The following DSG1 variants were observed in gnomAD, a reference collection of about 807,000 sequenced individuals.
DSG1 encodes desmoglein 1.
In DSG1, 39 loss-of-function variants were observed where a neutral mutation model predicts 97.5. That is an observed-to-expected ratio of 0.40 (90% confidence interval 0.31 to 0.52). The LOEUF is 0.52. DSG1 is among the 20% of genes least tolerant of loss of function. The pLI, the probability that DSG1 is intolerant of heterozygous loss-of-function variation, is 0.53. For synonymous variants in DSG1, 475 were observed against 443.4 expected (o/e 1.07, Z -0.90); for missense variants, 1,311 against 1,295.4 (o/e 1.01, Z -0.18).
intron 6 of DSG1, 94 bp from the exon 7 acceptor site, chr18:31,333,495 T>C (rs1397306112): frequency 2.7e-6 from 4 of 1,506,120 alleles, no homozygotes; most frequent in Non-Finnish European, 3.7e-6. Flanking sequence ...TAGATTTATG[T>C]AAACGTTGAG....
chr18:31,359,218 T>C lies in DSG1; in HGVS notation c.*3872T>C, dbSNP rs1043013931. Among the ~76,000 whole-genome samples, 1 of 152,198 alleles carries C rather than the reference T, an allele frequency of 6.6e-6. No homozygotes were observed. The highest frequency in any genetic ancestry group is 1.5e-5 in the Non-Finnish European group (1 of 68,020). On this transcript the variant is annotated 3_prime_UTR_variant, in exon 15 of 15. Coordinates refer to ENST00000257192, the MANE Select transcript of DSG1 (RefSeq NM_001942.4). Reference sequence around the variant, plus strand: ...TTGATTTGTAATTTCCAAAGAGTTATGCATACAGCAATAAAATTATTAATA... The same window carrying C: ...TTGATTTGTAATTTCCAAAGAGTTACGCATACAGCAATAAAATTATTAATA...
At chr18:31,326,365 A>T (rs1474164030) in intron 1 of DSG1, among the ~76,000 whole-genome samples, 1 of 152,120 alleles carries the variant, frequency 6.6e-6, no homozygotes, top group African/African-American at 2.4e-5. Context: ...AATAATAGTA[A>T]TAAAAAGAAG....
At chr18:31,327,745 C>T (rs2071695165) in intron 3 of DSG1, among the ~76,000 whole-genome samples, 1 of 152,154 alleles carries the variant, frequency 6.6e-6, no homozygotes, top group African/African-American at 2.4e-5. Context: ...AATCTACTTT[C>T]TTCGAAAACT....
intron 11 of DSG1, among the ~76,000 whole-genome samples, chr18:31,340,553 CAA>C (rs202063226): frequency 7.5e-5 from 7 of 93,160 alleles, no homozygotes; most frequent in Non-Finnish European, 7.0e-5. Flanking sequence ...GGTTCAGTCT[CAA>C]AAAAAAAAAA....
intron 8 of DSG1, among the ~76,000 whole-genome samples, chr18:31,336,078 T>C (rs1351747270): frequency 2.6e-5 from 4 of 152,056 alleles, no homozygotes; most frequent in Non-Finnish European, 5.9e-5. Context: ...TGTATTATTC[T>C]AAGTTTTTAA....
At chr18:31,326,134 A>T (rs2071684443) in intron 1 of DSG1, among the ~76,000 whole-genome samples, 1 of 152,038 alleles carries the variant, frequency 6.6e-6, no homozygotes, top group South Asian at 2.1e-4. Flanking sequence ...TTTAAAGTAG[A>T]TACTTAGAGA....
intron 1 of DSG1, among the ~76,000 whole-genome samples, chr18:31,322,709 T>C (rs1427516990): frequency 6.6e-6 from 1 of 152,186 alleles, no homozygotes; most frequent in East Asian, 1.9e-4. Context: ...AACAATTACA[T>C]TAGAATTGAA....
At chr18:31,332,337 G>A (rs1459365333) in intron 6 of DSG1, among the ~76,000 whole-genome samples, 1 of 152,054 alleles carries the variant, frequency 6.6e-6, no homozygotes, top group Non-Finnish European at 1.5e-5. Flanking sequence ...ATTGACAACA[G>A]AATTCTTGTT....
chr18:31,339,689 A>G lies in DSG1; in HGVS notation c.1406-55A>G, dbSNP rs1312668305. 5 of 1,377,892 alleles carry G rather than the reference A, an allele frequency of 3.6e-6. No homozygotes were observed. The African/African-American group carries it at 5.7e-5, about 16-fold the overall frequency. 85.4% of individuals were successfully genotyped at this position (1,377,892 alleles called of 1,614,324 possible). On this transcript the variant is annotated intron_variant, in intron 10 of 14. Coordinates refer to ENST00000257192, the MANE Select transcript of DSG1 (RefSeq NM_001942.4). ...GTAAAAAATAATTCTGTGTTGTCCA[A>G]CCATTCCTACACTAAATGTCTAAAA...
intron 1 of DSG1, among the ~76,000 whole-genome samples, chr18:31,321,478 G>A (rs919008025): frequency 1.3e-5 from 2 of 152,130 alleles, no homozygotes; most frequent in Non-Finnish European, 2.9e-5. Context: ...TTCTGTTCAC[G>A]TATTCAGTGA....
chr18:31,338,240 A>T (rs1443267540), intron 9 of DSG1, 75 bp from the exon 10 acceptor site: 1 of 1,453,330 alleles, frequency 6.9e-7, no homozygotes, highest in Non-Finnish European at 9.4e-7. Flanking sequence ...CACTGAAAAA[A>T]ACAATACATT....
intron 14 of DSG1, chr18:31,347,953 T>G (rs1165328744): frequency 2.0e-5 from 3 of 152,184 alleles, no homozygotes; most frequent in Admixed American, 6.5e-5. Context: ...AACTTTGTTA[T>G]AAATAATTCA....
intron 2 of DSG1, 121 bp from the exon 3 acceptor site, chr18:31,326,753 C>T (rs2071688151): frequency 2.2e-6 from 3 of 1,366,512 alleles, no homozygotes; most frequent in African/African-American, 1.4e-5. Context: ...ACCAAAATTA[C>T]CAATTTTCCC....
chr18:31,343,674 T>A (rs1252414115), intron 12 of DSG1, 91 bp downstream of exon 12: 7 of 1,577,942 alleles, frequency 4.4e-6, no homozygotes, highest in Non-Finnish European at 6.1e-6. Flanking sequence ...ACTCACAGTC[T>A]ATGCTGTTTT....
At chr18:31,333,917 C>CT in intron 7 of DSG1, 100 bp from the exon 8 acceptor site, 1 of 1,144,236 alleles carries the variant, frequency 8.7e-7, no homozygotes, top group Admixed American at 1.8e-5. Flanking sequence ...CCACAGATAT[C>CT]TTTTCTAAAT....
chr18:31,327,527 G>T (rs1017056189), intron 3 of DSG1, among the ~76,000 whole-genome samples: 1 of 151,788 alleles, frequency 6.6e-6, no homozygotes, highest in African/African-American at 2.4e-5. Context: ...ATACACACAC[G>T]AATATACACA....
intron 8 of DSG1, among the ~76,000 whole-genome samples, chr18:31,335,728 T>G (rs1265552353): frequency 6.6e-6 from 1 of 151,676 alleles, no homozygotes; most frequent in Non-Finnish European, 1.5e-5. Flanking sequence ...CATAATTGTT[T>G]GTGGATTTTA....
At chr18:31,337,061 A>C (rs945610549) in intron 9 of DSG1, among the ~76,000 whole-genome samples, 9 of 152,182 alleles carry the variant, frequency 5.9e-5, no homozygotes, top group Non-Finnish European at 7.4e-5. Context: ...CTGGTGTGAA[A>C]ATTCGGTTAT....
chr18:31,354,832 G>C lies in DSG1; in HGVS notation c.2636G>C (p.Gly879Ala). ...VGPISGADLH[G>A]MLEMPDLRDG... ...CCAATCTCTGGCGCTGATTTGCATG[G>C]AATGTTAGAGATGCCTGACTTGCGA... The change falls in exon 15 of 15, where the codon GGA becomes GCA. Residue 879 changes from glycine (G) to alanine (A), a missense_variant. Gly to Ala is a moderately conservative substitution (Grantham distance 60, BLOSUM62 0). This residue lies in a region of DSG1 where 1,038 missense variants were observed against 964.6 expected (regional missense o/e 1.08). Coordinates refer to ENST00000257192, the MANE Select transcript of DSG1 (RefSeq NM_001942.4). 1 of 1,614,158 alleles carries C rather than the reference G, an allele frequency of 6.2e-7. No individual in the cohort carries two copies. Among genetic ancestry groups the C allele is most frequent in the Non-Finnish European group, 8.5e-7 (1 of 1,180,032 alleles).
Sources: allele counts gnomAD v4.1 joint callset (sites outside exome capture counted in the v4.1 genomes callset), GRCh38; gene constraint gnomAD v4.1.1; regional missense constraint gnomAD v4.1.1; transcripts MANE v1.5; gene names NCBI Gene and HGNC (gene_info 2026-07-23, HGNC 2026-07-21).